Variants in SOHLH2 observed in about 807,000 individuals in gnomAD.
The protein encoded by SOHLH2 is spermatogenesis- and oogenesis-specific basic helix-loop-helix-containing protein 2.
In SOHLH2, 22 loss-of-function variants were observed where a neutral mutation model predicts 50.4. The observed-to-expected ratio is 0.44, with a 90% confidence interval of 0.31 to 0.62. SOHLH2 has a LOEUF of 0.62. Ranked by LOEUF, SOHLH2 falls within the 20% of genes least tolerant of loss-of-function variation. SOHLH2 has a pLI of 0.08. For synonymous variants in SOHLH2, 185 were observed against 187.3 expected (o/e 0.99, Z 0.10); for missense variants, 412 against 504.4 (o/e 0.82, Z 1.76).
intron 6 of SOHLH2, among the ~76,000 whole-genome samples, chr13:36,178,786 G>A (rs1593938067): frequency 6.7e-6 from 1 of 148,378 alleles, no homozygotes; most frequent in African/African-American, 2.5e-5. Context: ...ACTTTTCATA[G>A]TAACATTTTG....
chr13:36,208,699 CTTCT>C (rs1593962930), intron 1 of SOHLH2, among the ~76,000 whole-genome samples: 2 of 152,122 alleles, frequency 1.3e-5, no homozygotes, highest in East Asian at 3.9e-4. Flanking sequence ...CTCATATTTG[CTTCT>C]TTCTTGGATT....
In SOHLH2 at chr13:36,213,162, GCA is replaced by G. The variant is rs1211875651; in HGVS notation, c.48+1315_48+1316del. Among the ~76,000 whole-genome samples the G allele has an allele frequency of 2.0e-5, 3 of 152,102 alleles. No individual in the cohort carries two copies. The East Asian group carries it at 5.8e-4, about 29-fold the overall frequency. ...TGAGCAAGCGGCTTTTCTCACAAAG[GCA>G]CACAAAGGGGTCAGTTGGGGCTTCA... On this transcript the variant is annotated intron_variant, in intron 1 of 10. Transcript: ENST00000379881.
At chr13:36,211,339 G>A (rs942391811) in intron 1 of SOHLH2, among the ~76,000 whole-genome samples, 1 of 152,118 alleles carries the variant, frequency 6.6e-6, no homozygotes, top group Non-Finnish European at 1.5e-5. Flanking sequence ...GCCACTTTAT[G>A]TCTCTGCTTA....
At chr13:36,202,907 C>T (rs961148672) in intron 1 of SOHLH2, among the ~76,000 whole-genome samples, 3 of 152,202 alleles carry the variant, frequency 2.0e-5, no homozygotes, top group Non-Finnish European at 4.4e-5. Context: ...GGCAAAGAAG[C>T]AACTCCACAG....
intron 1 of SOHLH2, among the ~76,000 whole-genome samples, chr13:36,213,329 T>G (rs543821697): frequency 6.6e-6 from 1 of 152,344 alleles, no homozygotes; most frequent in East Asian, 1.9e-4. Context: ...AATAGGTTCC[T>G]CTATCTTGAA....
At chr13:36,213,682 G>C (rs548568287) in intron 1 of SOHLH2, among the ~76,000 whole-genome samples, 1 of 152,274 alleles carries the variant, frequency 6.6e-6, no homozygotes, top group Admixed American at 6.5e-5. Flanking sequence ...TTTCAAGAGA[G>C]GCCAGCGGGC....
At chr13:36,212,156 T>G (rs957249845) in intron 1 of SOHLH2, among the ~76,000 whole-genome samples, 3 of 152,146 alleles carry the variant, frequency 2.0e-5, no homozygotes, top group East Asian at 3.9e-4. Context: ...GAAGATGATC[T>G]GGAAAGGGAT....
chr13:36,213,023 A>G (rs1869213822), intron 1 of SOHLH2, among the ~76,000 whole-genome samples: 1 of 152,228 alleles, frequency 6.6e-6, no homozygotes, highest in Middle Eastern at 3.2e-3. Context: ...TATCACCAGG[A>G]GCAGAGCAGC....
Position 36,168,862 on chromosome 13 carries a change from T to G in SOHLH2, c.*172A>C. ...GTGTGGCCAGCTTTTTCGCTGCTGG[T>G]CTTTCTATCTGCAGAAGCTTTGAGT... is the stretch of plus-strand genomic sequence containing the variant. On this transcript the variant is annotated 3_prime_UTR_variant, in exon 11 of 11. Coordinates refer to ENST00000379881, the MANE Select transcript of SOHLH2 (RefSeq NM_017826.3). 1 of 1,146,466 alleles carries G rather than the reference T, an allele frequency of 8.7e-7. No individual in the cohort carries two copies. The highest frequency in any genetic ancestry group is 2.3e-5 in the South Asian group (1 of 43,678). The allele number at this position is 1,146,466 out of a possible 1,614,324, so 71.0% of individuals were successfully genotyped here.
chr13:36,178,966 C>A (rs1566036750), intron 6 of SOHLH2, among the ~76,000 whole-genome samples: 1 of 151,876 alleles, frequency 6.6e-6, no homozygotes, highest in Non-Finnish European at 1.5e-5. Flanking sequence ...TCTTCTGTAA[C>A]CCTGTTATAG....
At position 36,193,711 on chromosome 13, in the gene SOHLH2, G is replaced by T. The variant is rs1391630265; in HGVS notation, c.340C>A (p.His114Asn). The T allele has an allele frequency of 1.2e-6, 2 of 1,610,782 alleles. No individual in the cohort carries two copies. Among genetic ancestry groups the T allele is most frequent in the Non-Finnish European group, 8.5e-7 (1 of 1,179,294 alleles). ...TCAGTTAAAGCAATATCCATTCCATGCCCTGAAATACAACCTAAGAATCTT... is the reference window on the plus strand; with the variant it reads ...TCAGTTAAAGCAATATCCATTCCATTCCCTGAAATACAACCTAAGAATCTT... ...PENFKGCISG[H>N]GMDIALTEPL... is the part of the protein sequence containing the mutation. Residue 114 changes from histidine (H) to asparagine (N), a missense_variant, in exon 4 of 11, where the codon CAT becomes AAT. His to Asn is a moderately conservative substitution (Grantham distance 68). Transcript: ENST00000379881.
At position 36,214,531 on chromosome 13, in the gene SOHLH2, G is replaced by A. The variant is rs750623822; in HGVS notation, c.-5C>T. Reference sequence around the variant, plus strand: ...GCAGATAATTGAGGAAGCCATGGCCGCTGCGCACGTGCTGGGTCCTGGGGC... The same window carrying A: ...GCAGATAATTGAGGAAGCCATGGCCACTGCGCACGTGCTGGGTCCTGGGGC... On this transcript the variant is annotated 5_prime_UTR_variant, in exon 1 of 11. Transcript: ENST00000379881. 26 of 1,610,842 alleles carry A rather than the reference G, an allele frequency of 1.6e-5. No individual in the cohort carries two copies. Among genetic ancestry groups the A allele is most frequent in the Non-Finnish European group, 2.0e-5 (24 of 1,178,818 alleles).
chr13:36,191,948 C>T (rs990190919), intron 4 of SOHLH2, 54 bp from the exon 5 acceptor site: 30 of 1,590,264 alleles, frequency 1.9e-5, no homozygotes, highest in South Asian at 1.8e-4. Flanking sequence ...AAGGAGATGA[C>T]GCTAATCAAA....
rs764688709 is a variant in SOHLH2, at chr13:36,196,889, G to A, written c.264-3022C>T. Among the ~76,000 whole-genome samples, 51 of 152,126 alleles carry A rather than the reference G, an allele frequency of 3.4e-4. 1 individual carries two copies. Among genetic ancestry groups the A allele is most frequent in the Admixed American group, 1.8e-3 (28 of 15,270 alleles). On this transcript the variant is annotated intron_variant, in intron 2 of 10. Coordinates refer to ENST00000379881, the MANE Select transcript of SOHLH2 (RefSeq NM_017826.3). ...TGCTATATAGGGAACTCCTGCAATC[G>A]ATAAGAGTTCCCAGAATCCAATACT...
At chr13:36,192,982 G>A (rs1438028694) in intron 4 of SOHLH2, among the ~76,000 whole-genome samples, 1 of 152,078 alleles carries the variant, frequency 6.6e-6, no homozygotes, top group African/African-American at 2.4e-5. Context: ...CCCAGGCCGA[G>A]AAAGACCAAA....
At position 36,201,930 on chromosome 13, in the gene SOHLH2, T is replaced by C; in HGVS notation, c.212A>G (p.Lys71Arg). 1 of 1,614,250 alleles carries C rather than the reference T, an allele frequency of 6.2e-7. No individual in the cohort carries two copies. Among genetic ancestry groups the C allele is most frequent in the Non-Finnish European group, 8.5e-7 (1 of 1,180,038 alleles). Reference protein sequence around the residue: ...DDCIFNMVLLKVPSSLSAEEL... With the variant: ...DDCIFNMVLLRVPSSLSAEEL... ...CTCGGCACTTAGTGAAGAAGGCACC[T>C]TCAAGAGAACCATGTTGAATATGCA... Residue 71 changes from lysine to arginine, a missense_variant, in exon 2 of 11, where the codon AAG becomes AGG. Lys to Arg is a conservative substitution (Grantham distance 26). Transcript: ENST00000379881.
chr13:36,190,741 G>C (rs1333415610), intron 5 of SOHLH2, among the ~76,000 whole-genome samples: 2 of 152,186 alleles, frequency 1.3e-5, no homozygotes, highest in African/African-American at 4.8e-5. Context: ...TTTTTAAAAA[G>C]AAAAGCAGTT....
At chr13:36,199,392 C>T (rs573422843) in intron 2 of SOHLH2, among the ~76,000 whole-genome samples, 5 of 152,154 alleles carry the variant, frequency 3.3e-5, no homozygotes, top group African/African-American at 9.7e-5. Context: ...CATTGCCTGC[C>T]TAGGATGGCG....
At chr13:36,180,671 T>A (rs1415021449) in intron 6 of SOHLH2, among the ~76,000 whole-genome samples, 2 of 151,940 alleles carry the variant, frequency 1.3e-5, no homozygotes, top group African/African-American at 4.8e-5. Context: ...TCCATATATT[T>A]AAGACTTCCC....
Sources: gnomAD v4.1 joint callset for allele counts (sites outside exome capture counted in the v4.1 genomes callset) on GRCh38, gnomAD v4.1.1 for gene constraint, MANE v1.5 for transcripts, NCBI Gene and HGNC (gene_info 2026-07-23, HGNC 2026-07-21) for gene names.